The following HIRA variants were observed in gnomAD, a reference collection of about 807,000 sequenced individuals.
HIRA encodes protein HIRA.
In HIRA, 13 loss-of-function variants were observed where a neutral mutation model predicts 126.6. The observed-to-expected ratio is 0.10, with a 90% CI of 0.07 to 0.16. The LOEUF (loss-of-function observed/expected upper bound fraction) is 0.16. Ranked by LOEUF, HIRA falls within the 10% of genes least tolerant of loss-of-function variation. HIRA has a pLI of 1.00. For missense variants in HIRA, 834 were observed against 1,314.4 expected (o/e 0.63, Z 5.65); for synonymous variants, 511 against 520.0 (o/e 0.98, Z 0.24).
chr22:19,331,246 T>G lies in HIRA; in HGVS notation c.*194A>C. 6.6e-7 allele frequency: 1 copy of G among 1,508,132 alleles called. No homozygotes were observed. The highest frequency in any genetic ancestry group is 8.9e-7 in the Non-Finnish European group (1 of 1,128,688). The allele number at this position is 1,508,132 out of a possible 1,614,324, so 93.4% of individuals were successfully genotyped here. Reference sequence around the variant, plus strand: ...TTGGAGGGAGGGATGAGCTTCCCCCTCCTGAGGCAATGTCAGACCCAGGAC... The same window carrying G: ...TTGGAGGGAGGGATGAGCTTCCCCCGCCTGAGGCAATGTCAGACCCAGGAC... On this transcript the variant is annotated 3_prime_UTR_variant, in exon 25 of 25. Transcript: ENST00000263208.
At chr22:19,427,383 C>T (rs1489291599) in intron 1 of HIRA, among the ~76,000 whole-genome samples, 7 of 152,248 alleles carry the variant, frequency 4.6e-5, no homozygotes, top group African/African-American at 1.7e-4. Context: ...CCTCCGGCAG[C>T]AGGCTGGACC....
chr22:19,396,745 G>A, intron 7 of HIRA, 42 bp downstream of exon 7: 4 of 1,604,104 alleles, frequency 2.5e-6, no homozygotes, highest in Non-Finnish European at 3.4e-6. Flanking sequence ...AAGAGGCTGG[G>A]GCAGCTGCGG....
chr22:19,353,610 A>C, intron 22 of HIRA, 91 bp from the exon 23 acceptor site: 1 of 1,346,568 alleles, frequency 7.4e-7, no homozygotes, highest in Non-Finnish European at 9.9e-7. Flanking sequence ...AGGAGCTGGC[A>C]GGAGGCAGGC....
Position 19,418,673 on chromosome 22 carries a change from A to G in HIRA, c.38-7895T>C, listed in dbSNP as rs1380088789. 2.0e-5 allele frequency among the ~76,000 whole-genome samples: 3 copies of G among 152,302 alleles called. No homozygotes were observed. In the South Asian group the frequency reaches 6.2e-4, roughly 32 times the overall value. On this transcript the variant is annotated intron_variant, in intron 1 of 24. Transcript: ENST00000263208. ...TATATAAAAATTGTTGGAACTGTTC[A>G]GCATCTCGACTGCAGTGGTAGATAC...
At chr22:19,394,608 G>GTTTTTTA in intron 7 of HIRA, 99 bp from the exon 8 acceptor site, 1 of 1,236,114 alleles carries the variant, frequency 8.1e-7, no homozygotes, top group South Asian at 1.4e-5. Context: ...ATAAATGTGT[G>GTTTTTTA]ATGGTGGAGC....
chr22:19,375,502 CATGT>C, intron 15 of HIRA, 125 bp downstream of exon 15: 1 of 926,248 alleles, frequency 1.1e-6, no homozygotes, highest in Non-Finnish European at 1.6e-6. Flanking sequence ...GTCTTGCTCC[CATGT>C]ATTGAGTGGC....
At chr22:19,405,759 C>T (rs1256509935) in intron 5 of HIRA, 27 bp downstream of exon 5, 1 of 1,364,960 alleles carries the variant, frequency 7.3e-7, no homozygotes, top group Non-Finnish European at 9.6e-7. Flanking sequence ...CAGGGGCCCA[C>T]CCACCCCAAC....
intron 1 of HIRA, among the ~76,000 whole-genome samples, chr22:19,426,512 C>T (rs1000136261): frequency 2.6e-5 from 4 of 152,346 alleles, no homozygotes; most frequent in Admixed American, 2.0e-4. Context: ...ACAAACCCGA[C>T]TCTGCTGGTG....
chr22:19,383,759 A>T, intron 12 of HIRA, 54 bp from the exon 13 acceptor site: 6 of 1,321,276 alleles, frequency 4.5e-6, no homozygotes, highest in Non-Finnish European at 5.4e-6. Context: ...AACTATTTCC[A>T]AATATTAAAA....
chr22:19,377,404 T>C (rs535687388), intron 14 of HIRA, among the ~76,000 whole-genome samples: 1 of 152,350 alleles, frequency 6.6e-6, no homozygotes, highest in Non-Finnish European at 1.5e-5. Context: ...CAAGTAACAA[T>C]GGGTGAGGAC....
intron 3 of HIRA, among the ~76,000 whole-genome samples, chr22:19,407,962 A>G (rs1055641330): frequency 6.6e-6 from 1 of 152,172 alleles, no homozygotes; most frequent in African/African-American, 2.4e-5. Flanking sequence ...AGACACTGAG[A>G]GGCATGTTGA....
intron 14 of HIRA, among the ~76,000 whole-genome samples, chr22:19,377,233 C>A (rs570504939): frequency 3.9e-5 from 6 of 152,294 alleles, no homozygotes; most frequent in Admixed American, 1.3e-4. Context: ...ACCTCTCCCC[C>A]ACCAGCCTAC....
intron 24 of HIRA, among the ~76,000 whole-genome samples, chr22:19,347,979 G>A (rs182242827): frequency 1.3e-5 from 2 of 152,296 alleles, no homozygotes; most frequent in Admixed American, 6.5e-5. Flanking sequence ...TGAGGGCCTA[G>A]GGGGACCATA....
Position 19,390,746 on chromosome 22 carries a change from CTG to C in HIRA, c.936+1353_936+1354del, listed in dbSNP as rs1446025584. Among the ~76,000 whole-genome samples the C allele has an allele frequency of 2.0e-5, 3 of 151,860 alleles. No homozygotes were observed. In the East Asian group the frequency reaches 5.8e-4, roughly 30 times the overall value. Reference sequence around the variant, plus strand: ...ATGGACTAATAGAGGCGTCAGCTTTCTGTGTGTCTTTTTCTGTGGACATAAGC... The same window carrying C: ...ATGGACTAATAGAGGCGTCAGCTTTCTGTGTCTTTTTCTGTGGACATAAGC... On this transcript the variant is annotated intron_variant, in intron 9 of 24. Coordinates refer to ENST00000263208, the MANE Select transcript of HIRA (RefSeq NM_003325.4).
intron 19 of HIRA, 61 bp from the exon 20 acceptor site, chr22:19,356,349 T>C (rs2088811859): frequency 6.8e-7 from 1 of 1,478,386 alleles, no homozygotes; most frequent in South Asian, 1.1e-5. Context: ...AGAGTGTGCC[T>C]TGGCTGCTCA....
chr22:19,388,487 G>T lies in HIRA; in HGVS notation c.1004C>A (p.Ser335Tyr). 1 of 1,610,252 alleles carries T rather than the reference G, an allele frequency of 6.2e-7. No homozygotes were observed. Among genetic ancestry groups the T allele is most frequent in the Non-Finnish European group, 8.5e-7 (1 of 1,176,548 alleles). ...ELFDKSIMDI[S>Y]WTLNGLGILV... ...CTGTAAGTAGAATCCACCTTACCAG[G>T]AAATATCCATGATGGATTTGTCAAA... is the stretch of plus-strand genomic sequence containing the variant. The change falls in exon 10 of 25, where the codon TCC (serine) becomes TAC (tyrosine). Residue 335 changes from serine to tyrosine, a missense_variant. By Grantham distance (144) the Ser-to-Tyr change is moderately radical (BLOSUM62 -2). Around this residue, in one of 5 missense-constraint regions of HIRA, gnomAD observed 153 missense variants for 270.6 expected, o/e 0.57. Coordinates refer to ENST00000263208, the MANE Select transcript of HIRA (RefSeq NM_003325.4).
At chr22:19,423,524 CAT>C (rs1491389373) in intron 1 of HIRA, among the ~76,000 whole-genome samples, 17,187 of 64,778 alleles carry the variant, frequency 0.27, 998 homozygotes, top group South Asian at 0.38. Context: ...CACACACACA[CAT>C]ATTTTCAGCT....
In HIRA at chr22:19,431,447, G is replaced by A. The variant is rs2089538641; in HGVS notation, c.30C>T (p.Asn10=). The A allele has an allele frequency of 1.9e-6, 3 of 1,608,736 alleles. No individual in the cohort carries two copies. The East Asian group carries it at 6.7e-5, about 36-fold the overall frequency. Residue 10 remains asparagine, a synonymous_variant, in exon 1 of 25, where the codon AAC becomes AAT. Transcript: ENST00000263208. The part of the protein sequence containing the change: MKLLKPTWV[N]HNGKPIFSVD... The stretch of plus-strand genomic sequence containing the variant: ...ACCCCTGCGCGCACTCACCATTGTG[G>A]TTGACCCAGGTCGGCTTCAGGAGCT...
At chr22:19,395,569 G>A (rs925346263) in intron 7 of HIRA, among the ~76,000 whole-genome samples, 1 of 152,142 alleles carries the variant, frequency 6.6e-6, no homozygotes, top group Non-Finnish European at 1.5e-5. Flanking sequence ...GGTGTTGTGC[G>A]GGAAGAACTG....
Sources: allele counts gnomAD v4.1 joint callset (sites outside exome capture counted in the v4.1 genomes callset), GRCh38; gene constraint gnomAD v4.1.1; regional missense constraint gnomAD v4.1.1; transcripts MANE v1.5; gene names NCBI Gene and HGNC (gene_info 2026-07-23, HGNC 2026-07-21).